Variants in PTPRR observed in about 807,000 individuals in gnomAD.
PTPRR encodes receptor-type tyrosine-protein phosphatase R.
Under a neutral mutation model 77.2 loss-of-function variants are expected in PTPRR, and 38 were observed. The observed-to-expected ratio is 0.49, with a 90% CI of 0.38 to 0.65. The LOEUF is 0.65. Ranked by LOEUF, PTPRR falls within the 30% of genes least tolerant of loss-of-function variation. The pLI is 0.00. For missense variants in PTPRR, 744 were observed against 799.2 expected (o/e 0.93, Z 0.83); for synonymous variants, 299 against 283.1 (o/e 1.06, Z -0.57).
At chr12:70,741,764 T>C (rs1398214099) in intron 6 of PTPRR, among the ~76,000 whole-genome samples, 1 of 152,138 alleles carries the variant, frequency 6.6e-6, no homozygotes, top group Non-Finnish European at 1.5e-5. Flanking sequence ...GAACGGCTGC[T>C]TTGTGGGTGC....
At chr12:70,675,765 C>G (rs553682628) in intron 10 of PTPRR, among the ~76,000 whole-genome samples, 13 of 151,710 alleles carry the variant, frequency 8.6e-5, no homozygotes, top group Non-Finnish European at 1.6e-4. Context: ...TTGAAAATGT[C>G]TTTCACACCT....
At chr12:70,763,926 G>A (rs922471639) in intron 3 of PTPRR, among the ~76,000 whole-genome samples, 2 of 151,850 alleles carry the variant, frequency 1.3e-5, no homozygotes, top group African/African-American at 2.4e-5. Context: ...CCCAAACACC[G>A]AGGAAAGAGA....
chr12:70,780,182 G>A (rs1344152951), intron 2 of PTPRR, among the ~76,000 whole-genome samples: 1 of 152,050 alleles, frequency 6.6e-6, no homozygotes, highest in African/African-American at 2.4e-5. Flanking sequence ...AGTAGAGACG[G>A]GGTTTCACCA....
chr12:70,690,997 C>T (rs1362702509), intron 8 of PTPRR, among the ~76,000 whole-genome samples: 1 of 152,144 alleles, frequency 6.6e-6, no homozygotes, highest in Non-Finnish European at 1.5e-5. Flanking sequence ...GTCTACTGCA[C>T]TGATTTAAAG....
intron 2 of PTPRR, among the ~76,000 whole-genome samples, chr12:70,787,297 G>C (rs1891342773): frequency 6.6e-6 from 1 of 152,152 alleles, no homozygotes; most frequent in Non-Finnish European, 1.5e-5. Context: ...ACTATTTATA[G>C]CTTATTCCTT....
intron 2 of PTPRR, among the ~76,000 whole-genome samples, chr12:70,789,915 C>T (rs1567747): frequency 0.85 from 128,572 of 152,066 alleles, 54,794 homozygotes; most frequent in East Asian, 0.94. Context: ...ATGATCTCAA[C>T]GAATAAAAAA....
At chr12:70,691,089 G>A (rs1888039569) in intron 8 of PTPRR, among the ~76,000 whole-genome samples, 1 of 151,896 alleles carries the variant, frequency 6.6e-6, no homozygotes, top group Non-Finnish European at 1.5e-5. Context: ...TTTTAGACAG[G>A]CAAACTTCTG....
chr12:70,680,724 T>C (rs896051213), intron 10 of PTPRR, among the ~76,000 whole-genome samples: 1 of 152,044 alleles, frequency 6.6e-6, no homozygotes, highest in African/African-American at 2.4e-5. Flanking sequence ...CTGGCAAGCA[T>C]GGGGCTTGGC....
chr12:70,735,854 G>A (rs1889844284), intron 6 of PTPRR, among the ~76,000 whole-genome samples: 1 of 152,190 alleles, frequency 6.6e-6, no homozygotes, highest in Non-Finnish European at 1.5e-5. Context: ...GCAGGTGGCA[G>A]GTTAGTGTCC....
chr12:70,687,644 G>T (rs1325888433), intron 8 of PTPRR, among the ~76,000 whole-genome samples: 2 of 152,106 alleles, frequency 1.3e-5, no homozygotes, highest in African/African-American at 4.8e-5. Flanking sequence ...CTTTGCAAAA[G>T]ATCCTAGCAT....
intron 12 of PTPRR, 35 bp downstream of exon 12, chr12:70,660,905 C>A (rs755602346): frequency 6.4e-7 from 1 of 1,572,308 alleles, no homozygotes; most frequent in Non-Finnish European, 8.6e-7. Flanking sequence ...AAGAATGGGC[C>A]ATTGCTTAGA....
chr12:70,861,488 C>T (rs1892752422), intron 2 of PTPRR, among the ~76,000 whole-genome samples: 1 of 152,094 alleles, frequency 6.6e-6, no homozygotes, highest in African/African-American at 2.4e-5. Flanking sequence ...TAGAAGTCAT[C>T]AGTCGGATTG....
intron 4 of PTPRR, among the ~76,000 whole-genome samples, chr12:70,760,071 G>A (rs1388258598): frequency 6.6e-6 from 1 of 152,150 alleles, no homozygotes; most frequent in East Asian, 1.9e-4. Flanking sequence ...GACAGTGATG[G>A]TTCAATGATG....
intron 2 of PTPRR, among the ~76,000 whole-genome samples, chr12:70,782,879 AGTT>A (rs946570650): frequency 3.9e-5 from 6 of 152,178 alleles, no homozygotes; most frequent in Non-Finnish European, 7.3e-5. Context: ...ATCAAATAAT[AGTT>A]AAGATAGGGG....
chr12:70,859,591 A>T (rs1361900385), intron 2 of PTPRR, among the ~76,000 whole-genome samples: 1 of 152,072 alleles, frequency 6.6e-6, no homozygotes, highest in Non-Finnish European at 1.5e-5. Context: ...ACTCTGGGGA[A>T]GGAGGAAAGG....
chr12:70,762,672 T>C (rs1306769174), intron 3 of PTPRR, among the ~76,000 whole-genome samples: 1 of 152,258 alleles, frequency 6.6e-6, no homozygotes, highest in East Asian at 1.9e-4. Flanking sequence ...TTTTATCTCA[T>C]TTATTGCTCA....
At chr12:70,661,354 T>C (rs1886793775) in intron 11 of PTPRR, 1 of 366,562 alleles carries the variant, frequency 2.7e-6, no homozygotes, top group African/African-American at 2.1e-5. Context: ...ATAGATCATA[T>C]AAGTAACATA....
At position 70,662,623 on chromosome 12, in the gene PTPRR, G is replaced by T. The variant is rs999726398; in HGVS notation, c.1498-18C>A. On this transcript the variant is annotated intron_variant, in intron 10 of 13. Transcript: ENST00000283228. ...ACACATTTCTGGAGGAAGGGAAAGA[G>T]AATACAGCAAATATTAATGGCTTTT... is the stretch of plus-strand genomic sequence containing the variant. 2.7e-6 allele frequency: 4 copies of T among 1,462,090 alleles called. No individual in the cohort carries two copies. The highest frequency in any genetic ancestry group is 3.8e-6 in the Non-Finnish European group (4 of 1,049,770). 90.6% of individuals were successfully genotyped at this position (1,462,090 alleles called of 1,614,324 possible).
chr12:70,640,407 T>G (rs1324655611), intron 13 of PTPRR, among the ~76,000 whole-genome samples: 3 of 152,268 alleles, frequency 2.0e-5, no homozygotes, highest in Middle Eastern at 3.4e-3. Flanking sequence ...TGGACTCAAG[T>G]GATCCTCTTG....
Sources: gnomAD v4.1 joint callset for allele counts (sites outside exome capture counted in the v4.1 genomes callset) on GRCh38, gnomAD v4.1.1 for gene constraint, MANE v1.5 for transcripts, NCBI Gene and HGNC (gene_info 2026-07-23, HGNC 2026-07-21) for gene names.